The following GRM8 variants were observed in gnomAD, a reference collection of about 807,000 sequenced individuals.
GRM8 encodes metabotropic glutamate receptor 8.
A neutral mutation model predicts 87.2 loss-of-function variants in GRM8; 47 were observed. That is an observed-to-expected ratio of 0.54 (90% CI 0.43 to 0.69). The LOEUF (loss-of-function observed/expected upper bound fraction) is 0.69. GRM8 is among the 30% of genes least tolerant of loss of function. The pLI is 0.00. For synonymous variants in GRM8, 396 were observed against 404.5 expected, an observed-to-expected ratio of 0.98 and a Z score of 0.25; for missense variants, 1,019 against 1,139.2, an observed-to-expected ratio of 0.89 and a Z score of 1.52.
At chr7:126,978,630 G>C (rs762587304) in intron 3 of GRM8, among the ~76,000 whole-genome samples, 1 of 152,198 alleles carries the variant, frequency 6.6e-6, no homozygotes, top group Non-Finnish European at 1.5e-5. Flanking sequence ...CTGAAACCCT[G>C]ATTGGATGAC....
chr7:126,559,497 T>C (rs1028383529), intron 8 of GRM8, among the ~76,000 whole-genome samples: 8 of 152,270 alleles, frequency 5.3e-5, no homozygotes, highest in Admixed American at 3.3e-4. Flanking sequence ...TTGACACTAG[T>C]TGGTAAGCTG....
intron 6 of GRM8, among the ~76,000 whole-genome samples, chr7:126,881,122 C>T (rs1447009274): frequency 2.6e-5 from 4 of 151,486 alleles, no homozygotes; most frequent in Non-Finnish European, 4.4e-5. Context: ...AGTCAGGGTC[C>T]CAGAAAAAAA....
intron 8 of GRM8, among the ~76,000 whole-genome samples, chr7:126,586,163 T>G (rs1796103421): frequency 6.6e-6 from 1 of 151,958 alleles, no homozygotes; most frequent in Non-Finnish European, 1.5e-5. Flanking sequence ...TACAAACCAC[T>G]GCTCAACGAA....
At chr7:126,581,501 C>G (rs1197817381) in intron 8 of GRM8, among the ~76,000 whole-genome samples, 1 of 152,028 alleles carries the variant, frequency 6.6e-6, no homozygotes, top group East Asian at 1.9e-4. Context: ...TAAGTTCATG[C>G]CTGTGATGAA....
At chr7:126,787,553 A>G (rs1820750129) in intron 6 of GRM8, among the ~76,000 whole-genome samples, 1 of 152,194 alleles carries the variant, frequency 6.6e-6, no homozygotes, top group Non-Finnish European at 1.5e-5. Context: ...TGTGAAAAAT[A>G]TTATTAAATC....
intron 2 of GRM8, among the ~76,000 whole-genome samples, chr7:127,173,154 C>T (rs150858211): frequency 1.3e-5 from 2 of 152,136 alleles, no homozygotes; most frequent in African/African-American, 4.8e-5. Flanking sequence ...AAAACACAGA[C>T]AAATAACAAA....
At chr7:126,653,300 C>CAAAAAAA (rs35546815) in intron 7 of GRM8, among the ~76,000 whole-genome samples, 51 of 108,928 alleles carry the variant, frequency 4.7e-4, no homozygotes, top group South Asian at 6.9e-4. Flanking sequence ...ATCCTGTCTC[C>CAAAAAAA]AAAAAAAAAA....
At chr7:127,227,235 A>T (rs1045497931) in intron 2 of GRM8, among the ~76,000 whole-genome samples, 1 of 152,092 alleles carries the variant, frequency 6.6e-6, no homozygotes, top group African/African-American at 2.4e-5. Context: ...GACCAAGTCC[A>T]CCCCCAAAAA....
chr7:127,015,068 A>AG (rs1815382605), intron 3 of GRM8, among the ~76,000 whole-genome samples: 1 of 93,218 alleles, frequency 1.1e-5, no homozygotes, highest in Non-Finnish European at 2.7e-5. Context: ...GAAGAAGAAG[A>AG]AAGAAAGAAG....
chr7:127,091,803 G>A (rs1184226357), intron 3 of GRM8, among the ~76,000 whole-genome samples: 7 of 27,726 alleles, frequency 2.5e-4, no homozygotes, highest in South Asian at 1.1e-3. Flanking sequence ...CCACCCCCGC[G>A]GTCCCACTGG....
intron 6 of GRM8, among the ~76,000 whole-genome samples, chr7:126,861,690 T>C (rs1798153359): frequency 1.3e-5 from 2 of 152,054 alleles, no homozygotes; most frequent in South Asian, 4.1e-4. Context: ...GCCATTTTCT[T>C]ATGCCTTGTT....
intron 9 of GRM8, among the ~76,000 whole-genome samples, chr7:126,518,437 T>C (rs1812493560): frequency 1.3e-5 from 2 of 152,054 alleles, no homozygotes; most frequent in African/African-American, 2.4e-5. Flanking sequence ...TTTTTGCAAA[T>C]AGAGAGCAAG....
At chr7:126,888,386 T>A (rs992600081) in intron 6 of GRM8, among the ~76,000 whole-genome samples, 12 of 151,942 alleles carry the variant, frequency 7.9e-5, no homozygotes, top group African/African-American at 2.9e-4. Flanking sequence ...CCTTCAAGAG[T>A]ACTACTGAAT....
intron 3 of GRM8, among the ~76,000 whole-genome samples, chr7:126,930,340 A>C (rs1273468255): frequency 6.6e-6 from 1 of 152,226 alleles, no homozygotes; most frequent in Non-Finnish European, 1.5e-5. Flanking sequence ...CATGCAAAAC[A>C]GCTAGAACAG....
intron 7 of GRM8, among the ~76,000 whole-genome samples, chr7:126,616,653 G>A (rs12532337): frequency 0.55 from 84,062 of 151,710 alleles, 23,512 homozygotes; most frequent in South Asian, 0.65. Flanking sequence ...AAGAAAAGAG[G>A]GAAGAATCAA....
chr7:127,047,740 A>G (rs1398012886), intron 3 of GRM8, among the ~76,000 whole-genome samples: 1 of 152,196 alleles, frequency 6.6e-6, no homozygotes, highest in African/African-American at 2.4e-5. Flanking sequence ...CTGAGGTAGG[A>G]GAATCACATG....
At chr7:126,975,952 T>C (rs1393855358) in intron 3 of GRM8, among the ~76,000 whole-genome samples, 1 of 152,100 alleles carries the variant, frequency 6.6e-6, no homozygotes, top group Non-Finnish European at 1.5e-5. Context: ...ATTTAATTAT[T>C]ATTAATTTTC....
chr7:127,083,206 T>C (rs1309744669), intron 3 of GRM8, among the ~76,000 whole-genome samples: 1 of 152,230 alleles, frequency 6.6e-6, no homozygotes, highest in East Asian at 1.9e-4. Context: ...AGCATTTCTT[T>C]TTGTTTTCCT....
intron 7 of GRM8, among the ~76,000 whole-genome samples, chr7:126,646,148 C>T (rs1414116060): frequency 6.6e-6 from 1 of 152,050 alleles, no homozygotes; most frequent in Non-Finnish European, 1.5e-5. Context: ...TTCTTCCCTG[C>T]CAACACTTAA....
Sources: allele counts gnomAD v4.1 joint callset (sites outside exome capture counted in the v4.1 genomes callset), GRCh38; gene constraint gnomAD v4.1.1; transcripts MANE v1.5; gene names NCBI Gene and HGNC (gene_info 2026-07-23, HGNC 2026-07-21).